OGDHL: variants seen among roughly 807,000 people sequenced by gnomAD.
OGDHL encodes the protein 2-oxoglutarate dehydrogenase-like, mitochondrial.
In OGDHL, 79 loss-of-function variants were observed where a neutral mutation model predicts 109.6. The observed-to-expected ratio is 0.72, with a 90% CI of 0.60 to 0.87. The LOEUF is 0.87. OGDHL is among the 40% of genes least tolerant of loss of function. The probability of loss-of-function intolerance (pLI) is 0.00; values close to 1 mark genes in which losing one functional copy is unlikely to be tolerated. For missense variants in OGDHL, 1,275 were observed against 1,362.2 expected (o/e 0.94, Z 1.01); for synonymous variants, 528 against 537.2 (o/e 0.98, Z 0.24).
intron 8 of OGDHL, among the ~76,000 whole-genome samples, chr10:49,748,652 G>C (rs1415423657): frequency 6.6e-6 from 1 of 151,972 alleles, no homozygotes; most frequent in African/African-American, 2.4e-5. Context: ...TTTTATGGAA[G>C]AGCAAAGTGA....
intron 8 of OGDHL, among the ~76,000 whole-genome samples, chr10:49,749,347 C>A (rs1237933464): frequency 6.6e-6 from 1 of 152,178 alleles, no homozygotes; most frequent in African/African-American, 2.4e-5. Context: ...CCTCCCAAGG[C>A]TCTGCTGGGC....
chr10:49,741,648 C>A (rs1044415894), intron 15 of OGDHL, among the ~76,000 whole-genome samples: 29 of 150,832 alleles, frequency 1.9e-4, no homozygotes, highest in African/African-American at 6.8e-4. Flanking sequence ...ACACACACAC[C>A]ACACACATAC....
Position 49,735,306 on chromosome 10 carries a change from C to G in OGDHL, c.2955G>C (p.Arg985Ser). 1 of 1,614,084 alleles carries G rather than the reference C, an allele frequency of 6.2e-7. No individual in the cohort carries two copies. Among genetic ancestry groups the G allele is most frequent in the Non-Finnish European group, 8.5e-7 (1 of 1,180,006 alleles). Reference protein sequence around the residue: ...DPAAAPATGNRNTHLVSLKKF... With the variant: ...DPAAAPATGNSNTHLVSLKKF... Reference sequence around the variant, plus strand: ...TCTTCAGTGACACCAGGTGAGTGTTCCTGTTTCCTGTGGCTGGTGCAGCCG... The same window carrying G: ...TCTTCAGTGACACCAGGTGAGTGTTGCTGTTTCCTGTGGCTGGTGCAGCCG... Residue 985 changes from arginine to serine, a missense_variant, in exon 23 of 23, where the codon AGG becomes AGC. Coordinates refer to ENST00000374103, the MANE Select transcript of OGDHL (RefSeq NM_018245.3).
At chr10:49,761,512 C>G (rs1343219037) in intron 1 of OGDHL, among the ~76,000 whole-genome samples, 1 of 152,252 alleles carries the variant, frequency 6.6e-6, no homozygotes, top group Admixed American at 6.5e-5. Flanking sequence ...TTCTGAGAAG[C>G]AGATGAGCTT....
At chr10:49,758,727 C>A in intron 1 of OGDHL, 134 bp from the exon 2 acceptor site, 1 of 878,342 alleles carries the variant, frequency 1.1e-6, no homozygotes, top group Admixed American at 2.2e-5. Context: ...AGTGATGAGA[C>A]TGGGAATGTG....
chr10:49,745,673 G>A, intron 11 of OGDHL, 125 bp downstream of exon 11: 2 of 1,309,122 alleles, frequency 1.5e-6, no homozygotes, highest in Non-Finnish European at 2.1e-6. Context: ...TGCTCTTGGT[G>A]GCATAAATCT....
chr10:49,743,811 C>A, intron 14 of OGDHL, 183 bp downstream of exon 14: 1 of 661,428 alleles, frequency 1.5e-6, no homozygotes, highest in Non-Finnish European at 2.4e-6. Flanking sequence ...CAGCTCGCCA[C>A]GCCCACCCTG....
In OGDHL at chr10:49,750,959, C is replaced by A; in HGVS notation, c.776G>T (p.Trp259Leu). 1 of 1,607,628 alleles carries A rather than the reference C, an allele frequency of 6.2e-7. No individual in the cohort carries two copies. The highest frequency in any genetic ancestry group is 8.5e-7 in the Non-Finnish European group (1 of 1,175,808). ...CAGGCCAAACCGCTTCTCTGAGGAC[C>A]ATTTCCGGGCCAGGAAGTCTTCAAA... ...MRFEDFLARK[W>L]SSEKRFGLEG... The change falls in exon 7 of 23, where the codon TGG becomes TTG. Residue 259 changes from tryptophan to leucine, a missense_variant. Transcript: ENST00000374103.
chr10:49,759,247 T>C (rs1843114972), intron 1 of OGDHL, among the ~76,000 whole-genome samples: 2 of 151,832 alleles, frequency 1.3e-5, no homozygotes, highest in South Asian at 4.2e-4. Context: ...CTGGTGACAC[T>C]AGGCCCAACA....
chr10:49,749,653 C>T (rs2133053908), intron 8 of OGDHL, 73 bp downstream of exon 8: 1 of 1,327,862 alleles, frequency 7.5e-7, no homozygotes, highest in South Asian at 1.3e-5. Flanking sequence ...AAGCTCCCGG[C>T]TCAGCCCCTC....
At position 49,748,916 on chromosome 10, in the gene OGDHL, G is replaced by T. The variant is rs531638572; in HGVS notation, c.987+810C>A. Among the ~76,000 whole-genome samples, 10 of 152,268 alleles carry T rather than the reference G, an allele frequency of 6.6e-5. No homozygotes were observed. In the South Asian group the frequency reaches 2.1e-3, roughly 32 times the overall value. On this transcript the variant is annotated intron_variant, in intron 8 of 22. Coordinates refer to ENST00000374103, the MANE Select transcript of OGDHL (RefSeq NM_018245.3). ...GAAGATGGGCAGGACTTTGAAAGAG[G>T]CTAGGCAGTGGCCGGAAGCGGTGGC...
intron 12 of OGDHL, 97 bp from the exon 13 acceptor site, chr10:49,744,849 G>T: frequency 1.0e-6 from 1 of 966,336 alleles, no homozygotes; most frequent in Non-Finnish European, 1.6e-6. Context: ...CCATCACCAA[G>T]TTCTTCTAGA....
intron 20 of OGDHL, among the ~76,000 whole-genome samples, chr10:49,737,583 G>A (rs985954483): frequency 2.0e-5 from 3 of 152,162 alleles, no homozygotes; most frequent in Non-Finnish European, 4.4e-5. Flanking sequence ...TACCATGGAC[G>A]CAACCCACAT....
At chr10:49,757,542 C>A (rs1023605216) in intron 2 of OGDHL, among the ~76,000 whole-genome samples, 9 of 152,122 alleles carry the variant, frequency 5.9e-5, no homozygotes, top group African/African-American at 1.2e-4. Context: ...TCTGCAGGTG[C>A]AAGATGATGA....
Position 49,741,119 on chromosome 10 carries a change from G to A in OGDHL, c.2013-282C>T, listed in dbSNP as rs151121973. ...GGTCTGGGGGAAGGAGCTGTGAGTTGTGGCACCTCTCTGAATGTCAGCTTT... is the reference window on the plus strand; with the variant it reads ...GGTCTGGGGGAAGGAGCTGTGAGTTATGGCACCTCTCTGAATGTCAGCTTT... On this transcript the variant is annotated intron_variant, in intron 15 of 22. Coordinates refer to ENST00000374103, the MANE Select transcript of OGDHL (RefSeq NM_018245.3). 5.4e-3 allele frequency among the ~76,000 whole-genome samples: 820 copies of A among 152,190 alleles called. 10 individuals carry two copies. The highest frequency in any genetic ancestry group is 0.018 in the African/African-American group (762 of 41,516).
intron 14 of OGDHL, 99 bp downstream of exon 14, chr10:49,743,895 C>G: frequency 2.1e-6 from 3 of 1,447,488 alleles, no homozygotes; most frequent in South Asian, 2.6e-5. Flanking sequence ...AGCAGGAATG[C>G]GACACACCAT....
chr10:49,761,376 T>C (rs552265498), intron 1 of OGDHL, among the ~76,000 whole-genome samples: 1 of 152,202 alleles, frequency 6.6e-6, no homozygotes, highest in East Asian at 1.9e-4. Context: ...TGAGGACTAC[T>C]CCCTAATGCA....
At chr10:49,745,625 C>A in intron 11 of OGDHL, 129 bp from the exon 12 acceptor site, 1 of 1,336,276 alleles carries the variant, frequency 7.5e-7, no homozygotes, top group Non-Finnish European at 1.0e-6. Context: ...TATCACCTAT[C>A]ACCGAATGAA....
rs773888308 is a variant in OGDHL, at chr10:49,738,249, G to A, written c.2333C>T (p.Ser778Leu). The A allele has an allele frequency of 2.1e-5, 34 of 1,612,904 alleles. No individual in the cohort carries two copies. The highest frequency in any genetic ancestry group is 1.1e-4 in the African/African-American group (8 of 74,910). The change falls in exon 18 of 23, where the codon TCG becomes TTG. Residue 778 changes from serine to leucine, a missense_variant. Coordinates refer to ENST00000374103, the MANE Select transcript of OGDHL (RefSeq NM_018245.3). ...CAGGAACCTTTCGGGCCTCGCTGAC[G>A]AGTGCTCTGGGCCCTGAAAGCAAAC... Reference protein sequence around the residue: ...HGMEGMGPEHSSARPERFLQM... With the variant: ...HGMEGMGPEHLSARPERFLQM...
Sources: gnomAD v4.1 joint callset for allele counts (sites outside exome capture counted in the v4.1 genomes callset) on GRCh38, gnomAD v4.1.1 for gene constraint, MANE v1.5 for transcripts, NCBI Gene and HGNC (gene_info 2026-07-23, HGNC 2026-07-21) for gene names.